TSPAN33: variants seen among roughly 807,000 people sequenced by gnomAD.
TSPAN33 encodes tetraspanin-33.
TSPAN33 carries 27 observed loss-of-function variants against 34.8 expected under a neutral mutation model. The ratio of observed to expected loss-of-function variants is 0.78; its 90% CI spans 0.57 to 1.07. TSPAN33 has a LOEUF of 1.07. Among genes scored for constraint, TSPAN33 ranks in the 50% least tolerant of loss-of-function variants. TSPAN33 has a pLI of 0.00. For missense variants in TSPAN33, 272 were observed against 324.9 expected, an observed-to-expected ratio of 0.84 and a Z score of 1.25; for synonymous variants, 119 against 124.2, an observed-to-expected ratio of 0.96 and a Z score of 0.28.
intron 1 of TSPAN33, among the ~76,000 whole-genome samples, chr7:129,153,479 A>C: frequency 6.6e-6 from 1 of 152,212 alleles, no homozygotes; most frequent in Middle Eastern, 3.2e-3. Context: ...AGAGAAAAGA[A>C]TTAAAGCCAA....
At chr7:129,166,609 A>G (rs1793144187) in intron 5 of TSPAN33, 169 bp from the exon 6 acceptor site, 2 of 657,052 alleles carry the variant, frequency 3.0e-6, no homozygotes, top group East Asian at 2.8e-5. Context: ...GAATATCTTC[A>G]GGCGAAGGCA....
Position 129,167,482 on chromosome 7 carries a change from T to TA in TSPAN33, c.673dup (p.Ile225AsnfsTer2). 1 of 1,614,240 alleles carries TA rather than the reference T, an allele frequency of 6.2e-7. No individual in the cohort carries two copies. The highest frequency in any genetic ancestry group is 8.5e-7 in the Non-Finnish European group (1 of 1,180,026). ...GCAAAGTCATCTACACCAATGGCTG[T>TA]ATTGACAAGTTGGTCAACTGGATAC... On this transcript the variant is annotated frameshift_variant, in exon 7 of 8. Coordinates refer to ENST00000486685, the MANE Select transcript of TSPAN33 (RefSeq NM_178562.5). LOFTEE classifies it high-confidence loss of function. The surrounding 1 kb of genome is among the most constrained non-coding windows in gnomAD (Gnocchi z 4.6).
chr7:129,149,546 T>C (rs1277692546), intron 1 of TSPAN33, among the ~76,000 whole-genome samples: 1 of 151,874 alleles, frequency 6.6e-6, no homozygotes, highest in East Asian at 1.9e-4. Flanking sequence ...AAAGTGAAAC[T>C]CCGTCTCAAA....
At chr7:129,164,402 T>C in intron 4 of TSPAN33, 72 bp from the exon 5 acceptor site, 1 of 1,306,582 alleles carries the variant, frequency 7.7e-7, no homozygotes, top group Non-Finnish European at 1.1e-6. Context: ...CCCTGTCTAC[T>C]GTTATTTTTG....
At chr7:129,151,757 A>G (rs1490096631) in intron 1 of TSPAN33, among the ~76,000 whole-genome samples, 1 of 152,174 alleles carries the variant, frequency 6.6e-6, no homozygotes, top group Non-Finnish European at 1.5e-5. Flanking sequence ...ACAAAAGGCA[A>G]GCAGAAGAGG....
At chr7:129,161,563 C>A in intron 1 of TSPAN33, 116 bp from the exon 2 acceptor site, 1 of 937,108 alleles carries the variant, frequency 1.1e-6, no homozygotes, top group Non-Finnish European at 1.7e-6. Flanking sequence ...GTGAAAGATG[C>A]TCACCTTTGG....
chr7:129,155,019 T>C (rs1013382073), intron 1 of TSPAN33, among the ~76,000 whole-genome samples: 11 of 152,242 alleles, frequency 7.2e-5, no homozygotes, highest in African/African-American at 2.7e-4. Context: ...AGTGTCCATC[T>C]ACAAATGAAT....
Position 129,164,372 on chromosome 7 carries a change from A to T in TSPAN33, c.364-102A>T, listed in dbSNP as rs543746011. 812 of 1,050,684 alleles carry T rather than the reference A, an allele frequency of 7.7e-4. 1 individual carries two copies. The highest frequency in any genetic ancestry group is 1.1e-3 in the Non-Finnish European group (750 of 686,166). The allele number at this position is 1,050,684 out of a possible 1,614,324, so 65.1% of individuals were successfully genotyped here. The stretch of plus-strand genomic sequence containing the variant: ...GGACTCGGTTCTGATTTCAAGGCAG[A>T]CTCAGTTAAGAAGGATGATCCCTGT... On this transcript the variant is annotated intron_variant, in intron 4 of 7. Coordinates refer to ENST00000486685, the MANE Select transcript of TSPAN33 (RefSeq NM_178562.5).
rs1048403395 is a variant in TSPAN33, at chr7:129,148,012, T to C, written c.102+2930T>C. Among the ~76,000 whole-genome samples the C allele has an allele frequency of 6.6e-6, 1 of 152,194 alleles. No individual in the cohort carries two copies. The highest frequency in any genetic ancestry group is 2.1e-4 in the South Asian group (1 of 4,830). On this transcript the variant is annotated intron_variant, in intron 1 of 7. Coordinates refer to ENST00000486685, the MANE Select transcript of TSPAN33 (RefSeq NM_178562.5). This position sits in a 1 kb window ranked among gnomAD's most constrained non-coding sequence, Gnocchi z 4.2. ...ATTCCATGGCCTGGAGTAGCTGCTC[T>C]AAGATCCTAGATGTTGCATTTAAAT... is the stretch of plus-strand genomic sequence containing the variant.
intron 1 of TSPAN33, among the ~76,000 whole-genome samples, chr7:129,151,904 AAT>A (rs1324453429): frequency 3.3e-5 from 5 of 152,232 alleles, no homozygotes; most frequent in African/African-American, 7.2e-5. Context: ...AGTAGAAATT[AAT>A]ATGTTTGCCT....
intron 1 of TSPAN33, among the ~76,000 whole-genome samples, chr7:129,159,103 C>G (rs1339125218): frequency 6.9e-6 from 1 of 145,672 alleles, no homozygotes; most frequent in Non-Finnish European, 1.5e-5. Context: ...CTCTGTTGCC[C>G]AGGCTGGAGT....
chr7:129,161,047 C>A (rs1234998824), intron 1 of TSPAN33, among the ~76,000 whole-genome samples: 1 of 152,182 alleles, frequency 6.6e-6, no homozygotes. Context: ...AAGTTTGACT[C>A]GCTCTGAAGA....
At position 129,150,269 on chromosome 7, in the gene TSPAN33, C is replaced by T. The variant is rs887403687; in HGVS notation, c.102+5187C>T. Among the ~76,000 whole-genome samples the T allele has an allele frequency of 3.9e-5, 6 of 152,198 alleles. 1 individual carries two copies. The South Asian group carries it at 1.2e-3, about 31-fold the overall frequency. ...GCTGGTGGCCCCACTGTGGCAACGC[C>T]ATGCCTTCCCTTTTCAGAGTGCTGT... On this transcript the variant is annotated intron_variant, in intron 1 of 7. Coordinates refer to ENST00000486685, the MANE Select transcript of TSPAN33 (RefSeq NM_178562.5).
chr7:129,159,863 T>C (rs1563137845), intron 1 of TSPAN33, among the ~76,000 whole-genome samples: 1 of 152,042 alleles, frequency 6.6e-6, no homozygotes, highest in Non-Finnish European at 1.5e-5. Context: ...AGAGGCATGG[T>C]CAAATGATGT....
Position 129,168,007 on chromosome 7 carries a change from C to T in TSPAN33, c.*133C>T. On this transcript the variant is annotated 3_prime_UTR_variant, in exon 8 of 8. Transcript: ENST00000486685. ...TGACAGCCCAGTGGGAAGAAGCAAA[C>T]TCCAGATGGGCAGAAGGCAGGGTGC... 6.8e-7 allele frequency: 1 copy of T among 1,470,824 alleles called. No homozygotes were observed. Among genetic ancestry groups the T allele is most frequent in the Non-Finnish European group, 9.0e-7 (1 of 1,115,042 alleles). The allele number at this position is 1,470,824 out of a possible 1,614,324, so 91.1% of individuals were successfully genotyped here. A position where few individuals can be genotyped will look rare whatever the true frequency, so the allele number is the denominator to read the frequency against.
At position 129,165,774 on chromosome 7, in the gene TSPAN33, G is replaced by A. The variant is rs1010244773; in HGVS notation, c.460-1004G>A. ...AAAATACAAAAATTAGCCGGGTTTG[G>A]TGGCGCACACCTGTAGTCCCAGCTA... On this transcript the variant is annotated intron_variant, in intron 5 of 7. Transcript: ENST00000486685. The surrounding 1 kb of genome is among the most constrained non-coding windows in gnomAD (Gnocchi z 4.5). Among the ~76,000 whole-genome samples, 1 of 152,152 alleles carries A rather than the reference G, an allele frequency of 6.6e-6. No homozygotes were observed. The highest frequency in any genetic ancestry group is 2.4e-5 in the African/African-American group (1 of 41,458).
chr7:129,168,255 A>C lies in TSPAN33; in HGVS notation c.*381A>C. 4.9e-6 allele frequency: 1 copy of C among 202,976 alleles called. No individual in the cohort carries two copies. The highest frequency in any genetic ancestry group is 1.0e-5 in the Non-Finnish European group (1 of 98,220). 12.6% of individuals were successfully genotyped at this position (202,976 alleles called of 1,614,324 possible). A position where few individuals can be genotyped will look rare whatever the true frequency, so the allele number is the denominator to read the frequency against. On this transcript the variant is annotated 3_prime_UTR_variant, in exon 8 of 8. Coordinates refer to ENST00000486685, the MANE Select transcript of TSPAN33 (RefSeq NM_178562.5). The stretch of plus-strand genomic sequence containing the variant: ...TCCTGAGCTTGGCGGACATACTTAG[A>C]TCCTAACGTGCCAGTGAGACCTGGC...
intron 1 of TSPAN33, among the ~76,000 whole-genome samples, chr7:129,154,873 A>T (rs1220691876): frequency 6.6e-6 from 1 of 152,276 alleles, no homozygotes; most frequent in Non-Finnish European, 1.5e-5. Flanking sequence ...AACAAAAAAT[A>T]GAACTACTAG....
intron 1 of TSPAN33, among the ~76,000 whole-genome samples, chr7:129,152,868 G>A (rs1810615147): frequency 6.6e-6 from 1 of 151,810 alleles, no homozygotes; most frequent in Non-Finnish European, 1.5e-5. Context: ...AGACCACCAT[G>A]ACCAACATGG....
Sources: gnomAD v4.1 joint callset for allele counts (sites outside exome capture counted in the v4.1 genomes callset) on GRCh38, gnomAD v4.1.1 for gene constraint, Gnocchi (gnomAD v3.1) non-coding constraint, MANE v1.5 for transcripts, NCBI Gene and HGNC (gene_info 2026-07-23, HGNC 2026-07-21) for gene names.